Variants in E2F3 observed in about 807,000 individuals in gnomAD.
E2F3 encodes transcription factor E2F3.
A neutral mutation model predicts 44.4 loss-of-function variants in E2F3; 11 were observed. The ratio of observed to expected loss-of-function variants is 0.25; its 90% confidence interval spans 0.16 to 0.41. The LOEUF (loss-of-function observed/expected upper bound fraction) is 0.41. Ranked by LOEUF, E2F3 falls within the 10% of genes least tolerant of loss-of-function variation. The pLI is 1.00. For missense variants in E2F3, 487 were observed against 583.6 expected, an observed-to-expected ratio of 0.83 and a Z score of 1.70; for synonymous variants, 249 against 253.0, an observed-to-expected ratio of 0.98 and a Z score of 0.15.
chr6:20,417,048 T>G (rs940058378), intron 1 of E2F3, among the ~76,000 whole-genome samples: 29 of 152,214 alleles, frequency 1.9e-4, no homozygotes, highest in Admixed American at 6.5e-5. Flanking sequence ...ACTTCTGGCA[T>G]GTTTGACAAT....
At chr6:20,445,183 C>A in intron 1 of E2F3, 1 of 954,908 alleles carries the variant, frequency 1.0e-6, no homozygotes, top group Non-Finnish European at 1.2e-6. Flanking sequence ...AGAATACTAC[C>A]AACATCATCT....
chr6:20,436,533 T>C (rs910082875), intron 1 of E2F3, among the ~76,000 whole-genome samples: 4 of 152,160 alleles, frequency 2.6e-5, no homozygotes, highest in Admixed American at 1.3e-4. Flanking sequence ...CGTGAATTTC[T>C]GTTGGGATGC....
intron 1 of E2F3, among the ~76,000 whole-genome samples, chr6:20,419,520 AG>A (rs1356909168): frequency 6.6e-6 from 1 of 151,288 alleles, no homozygotes; most frequent in African/African-American, 2.5e-5. Flanking sequence ...CATGCTAGAT[AG>A]TACCTCCTTT....
chr6:20,457,126 T>C (rs928420856), intron 1 of E2F3, among the ~76,000 whole-genome samples: 1 of 151,768 alleles, frequency 6.6e-6, no homozygotes, highest in Non-Finnish European at 1.5e-5. Flanking sequence ...AGGGAAAAAA[T>C]GTTCCCTGAC....
chr6:20,490,160 C>A lies in E2F3; in HGVS notation c.1136-8C>A, dbSNP rs761673782. On this transcript the variant is annotated splice_polypyrimidine_tract_variant and splice_region_variant and intron_variant, in intron 6 of 6. Coordinates refer to ENST00000346618, the MANE Select transcript of E2F3 (RefSeq NM_001949.5). The surrounding 1 kb of genome is among the most constrained non-coding windows in gnomAD (Gnocchi z 4.3). ...TATTTTTTGTTTCCATCAATGTTTT[C>A]TTTTCAGACTTGGCTTCAACCAACT... is the stretch of plus-strand genomic sequence containing the variant. 2 of 1,551,606 alleles carry A rather than the reference C, an allele frequency of 1.3e-6. No homozygotes were observed. Among genetic ancestry groups the A allele is most frequent in the African/African-American group, 2.8e-5 (2 of 72,074 alleles).
At chr6:20,461,969 G>A (rs541913649) in intron 1 of E2F3, among the ~76,000 whole-genome samples, 3 of 152,296 alleles carry the variant, frequency 2.0e-5, no homozygotes, top group Non-Finnish European at 4.4e-5. Flanking sequence ...AGTGTGAGAA[G>A]GCTATTTCAT....
At chr6:20,407,523 C>G (rs915632914) in intron 1 of E2F3, among the ~76,000 whole-genome samples, 1 of 152,208 alleles carries the variant, frequency 6.6e-6, no homozygotes, top group African/African-American at 2.4e-5. Flanking sequence ...CCTAGACGTG[C>G]ATAAATAACA....
rs563378511 is a variant in E2F3, at chr6:20,404,621, C to A, written c.393+1996C>A. On this transcript the variant is annotated intron_variant, in intron 1 of 6. Transcript: ENST00000346618. ...GGGAATAATGAGGCGTTTTTTATTT[C>A]TTTCCTGTTCCCAGTTTCTCCCCGG... Among the ~76,000 whole-genome samples the A allele has an allele frequency of 2.6e-5, 4 of 152,130 alleles. No homozygotes were observed. In the South Asian group the frequency reaches 8.4e-4, roughly 32 times the overall value.
intron 1 of E2F3, among the ~76,000 whole-genome samples, chr6:20,441,796 T>C (rs1280313798): frequency 1.3e-5 from 2 of 149,842 alleles, no homozygotes; most frequent in African/African-American, 4.9e-5. Context: ...TCGAACTCCT[T>C]ACCTCAAGCC....
intron 1 of E2F3, among the ~76,000 whole-genome samples, chr6:20,456,570 A>G (rs1311851897): frequency 3.3e-5 from 5 of 152,248 alleles, no homozygotes; most frequent in Non-Finnish European, 2.9e-5. Context: ...TGAGCAATGC[A>G]ATGTGCGAAT....
intron 1 of E2F3, among the ~76,000 whole-genome samples, chr6:20,431,040 A>G (rs1006168531): frequency 1.3e-5 from 2 of 152,178 alleles, no homozygotes; most frequent in African/African-American, 4.8e-5. Flanking sequence ...AAAGAAAAAA[A>G]AGAATTAGAT....
rs546555187 is a variant in E2F3, at chr6:20,475,144, T to C, written c.394-4702T>C. On this transcript the variant is annotated intron_variant, in intron 1 of 6. Transcript: ENST00000346618. ...TTCAACATCATGGACCTTCACTTTC[T>C]AGACTTAGTGATTCTTTCGCAATAA... Among the ~76,000 whole-genome samples the C allele has an allele frequency of 3.3e-5, 5 of 152,360 alleles. No homozygotes were observed. In the South Asian group the frequency reaches 1.0e-3, roughly 32 times the overall value.
chr6:20,462,567 C>T, intron 1 of E2F3, among the ~76,000 whole-genome samples: 1 of 151,784 alleles, frequency 6.6e-6, no homozygotes, highest in East Asian at 1.9e-4. Context: ...AAGCGATTCT[C>T]CCACCTCAGC....
intron 1 of E2F3, among the ~76,000 whole-genome samples, chr6:20,435,885 C>T (rs1473033951): frequency 6.6e-6 from 1 of 151,814 alleles, no homozygotes; most frequent in African/African-American, 2.4e-5. Context: ...TATTACAGCC[C>T]TTATCTTGCT....
Position 20,486,892 on chromosome 6 carries a change from C to T in E2F3, c.999+89C>T, listed in dbSNP as rs918552733. 6.3e-6 allele frequency: 5 copies of T among 799,112 alleles called. No individual in the cohort carries two copies. In the African/African-American group the frequency reaches 7.0e-5, roughly 11 times the overall value. 49.5% of individuals were successfully genotyped at this position (799,112 alleles called of 1,614,324 possible). On this transcript the variant is annotated intron_variant, in intron 5 of 6. Coordinates refer to ENST00000346618, the MANE Select transcript of E2F3 (RefSeq NM_001949.5). ...TCATTGACTCATAGTTAAAGTCTGT[C>T]CCCCTCCTATGAACTTGATGGTTCT...
chr6:20,485,569 A>AT (rs1762365472), intron 4 of E2F3, among the ~76,000 whole-genome samples: 1 of 152,170 alleles, frequency 6.6e-6, no homozygotes, highest in African/African-American at 2.4e-5. Context: ...ACAGAGCAAG[A>AT]TTCTGTCTCA....
chr6:20,437,237 G>A (rs909103645), intron 1 of E2F3, among the ~76,000 whole-genome samples: 1 of 152,206 alleles, frequency 6.6e-6, no homozygotes, highest in African/African-American at 2.4e-5. Context: ...GCCAACTACA[G>A]GTGATGATTG....
At chr6:20,439,494 A>G (rs1760701806) in intron 1 of E2F3, among the ~76,000 whole-genome samples, 1 of 152,192 alleles carries the variant, frequency 6.6e-6, no homozygotes, top group South Asian at 2.1e-4. Flanking sequence ...TTACAAGTGC[A>G]GTGACATGTC....
At position 20,402,064 on chromosome 6, in the gene E2F3, G is replaced by T; in HGVS notation, c.-169G>T. ...GAGCCCCGATTATTTTTGGCCCCCG[G>T]GGCCTGTGCGGTGCGGAAAAATAAA... On this transcript the variant is annotated 5_prime_UTR_variant, in exon 1 of 7. Transcript: ENST00000346618. The surrounding 1 kb of genome is among the most constrained non-coding windows in gnomAD (Gnocchi z 5.6). 8.2e-7 allele frequency: 1 copy of T among 1,213,354 alleles called. No homozygotes were observed. The highest frequency in any genetic ancestry group is 1.1e-6 in the Non-Finnish European group (1 of 922,090). 75.2% of individuals were successfully genotyped at this position (1,213,354 alleles called of 1,614,324 possible). A position where few individuals can be genotyped will look rare whatever the true frequency, so the allele number is the denominator to read the frequency against.
Sources: gnomAD v4.1 joint callset for allele counts (sites outside exome capture counted in the v4.1 genomes callset) on GRCh38, gnomAD v4.1.1 for gene constraint, Gnocchi (gnomAD v3.1) non-coding constraint, MANE v1.5 for transcripts, NCBI Gene and HGNC (gene_info 2026-07-23, HGNC 2026-07-21) for gene names.